The following NUP210L variants were observed in gnomAD, a reference collection of about 807,000 sequenced individuals.
The protein encoded by NUP210L is nuclear pore membrane glycoprotein 210-like.
NUP210L carries 74 observed loss-of-function variants against 208.5 expected under a neutral mutation model. The ratio of observed to expected loss-of-function variants is 0.35; its 90% confidence interval spans 0.29 to 0.43. The LOEUF is 0.43. NUP210L is among the 20% of genes least tolerant of loss of function. NUP210L has a pLI of 1.00. For synonymous variants in NUP210L, 780 were observed against 816.9 expected (o/e 0.95, Z 0.77); for missense variants, 1,843 against 2,289.4 (o/e 0.81, Z 3.98).
chr1:154,139,226 G>A (rs1305859906), intron 5 of NUP210L, among the ~76,000 whole-genome samples: 1 of 152,090 alleles, frequency 6.6e-6, no homozygotes. Context: ...ATTAGAAACT[G>A]TAGTTTATTG....
intron 27 of NUP210L, among the ~76,000 whole-genome samples, chr1:154,033,806 G>A (rs1311379530): frequency 1.3e-5 from 2 of 152,118 alleles, no homozygotes; most frequent in Non-Finnish European, 2.9e-5. Context: ...TATTTTGATA[G>A]GGACTGCACT....
At chr1:154,146,719 T>A (rs1659134641) in intron 2 of NUP210L, among the ~76,000 whole-genome samples, 1 of 148,594 alleles carries the variant, frequency 6.7e-6, no homozygotes. Flanking sequence ...TACATGAAAG[T>A]ATCTCCCTCA....
intron 35 of NUP210L, among the ~76,000 whole-genome samples, chr1:154,003,597 G>A (rs1571153603): frequency 1.3e-5 from 2 of 151,836 alleles, no homozygotes; most frequent in East Asian, 3.9e-4. Flanking sequence ...TGAATTCTTG[G>A]GCTCAAGCAA....
chr1:154,006,457 A>G (rs2147897208), intron 35 of NUP210L, among the ~76,000 whole-genome samples: 1 of 152,074 alleles, frequency 6.6e-6, no homozygotes, highest in Non-Finnish European at 1.5e-5. Flanking sequence ...TAGGTTTCAT[A>G]TAGATACTCC....
intron 17 of NUP210L, among the ~76,000 whole-genome samples, chr1:154,065,911 A>G (rs1178658453): frequency 1.3e-5 from 2 of 150,924 alleles, no homozygotes; most frequent in Non-Finnish European, 3.0e-5. Context: ...AAAAAAAAAA[A>G]AAAAAAAGAA....
At chr1:154,008,117 C>G (rs1028612879) in intron 35 of NUP210L, among the ~76,000 whole-genome samples, 18 of 151,918 alleles carry the variant, frequency 1.2e-4, no homozygotes, top group Non-Finnish European at 4.4e-5. Flanking sequence ...AGTGATTTGT[C>G]CGCCATGGCC....
At chr1:153,997,610 G>A (rs563901648) in intron 37 of NUP210L, among the ~76,000 whole-genome samples, 61 of 151,186 alleles carry the variant, frequency 4.0e-4, no homozygotes, top group African/African-American at 1.4e-3. Flanking sequence ...AGGACTGCAG[G>A]CCATCACACC....
chr1:154,036,763 CT>C (rs1019890141), intron 27 of NUP210L, among the ~76,000 whole-genome samples: 42 of 151,244 alleles, frequency 2.8e-4, no homozygotes, highest in Non-Finnish European at 5.5e-4. Flanking sequence ...ATTTTTTGGA[CT>C]TTTTTTTTCT....
At chr1:154,125,705 G>A (rs1657892180) in intron 10 of NUP210L, among the ~76,000 whole-genome samples, 1 of 36,132 alleles carries the variant, frequency 2.8e-5, no homozygotes, top group Admixed American at 3.8e-4. Flanking sequence ...AAGGAAGGAA[G>A]GAAGGAAGGA....
intron 14 of NUP210L, 119 bp downstream of exon 14, chr1:154,099,879 A>T: frequency 9.6e-7 from 1 of 1,040,682 alleles, no homozygotes; most frequent in Non-Finnish European, 1.4e-6. Context: ...AGTGGCAAGT[A>T]AAGAGAACAT....
chr1:154,125,340 C>A (rs1657835267), intron 10 of NUP210L, among the ~76,000 whole-genome samples: 1 of 151,708 alleles, frequency 6.6e-6, no homozygotes. Context: ...ACCCCAGCTA[C>A]ACAGGAGGCT....
intron 30 of NUP210L, among the ~76,000 whole-genome samples, chr1:154,023,848 G>A (rs1651700240): frequency 6.6e-6 from 1 of 151,442 alleles, no homozygotes; most frequent in African/African-American, 2.4e-5. Context: ...GAGTGCAGTG[G>A]TGCAATCTCA....
intron 35 of NUP210L, among the ~76,000 whole-genome samples, chr1:154,004,790 G>A (rs974850192): frequency 6.6e-6 from 1 of 151,754 alleles, no homozygotes; most frequent in African/African-American, 2.4e-5. Flanking sequence ...GGGATTACAG[G>A]CATGAGCCAC....
exon 40 of NUP210L, chr1:153,992,797 AT>A: frequency 7.3e-7 from 1 of 1,378,818 alleles, no homozygotes; most frequent in Non-Finnish European, 1.0e-6. Context: ...AGAAATCTTC[AT>A]TCCCCTGCAG....
chr1:154,103,148 C>T (rs1193953434), intron 13 of NUP210L, among the ~76,000 whole-genome samples: 1 of 151,922 alleles, frequency 6.6e-6, no homozygotes, highest in Non-Finnish European at 1.5e-5. Context: ...AATCCCAGCA[C>T]TTTGGGAGGC....
chr1:154,125,611 G>A (rs1657855841), intron 10 of NUP210L, among the ~76,000 whole-genome samples: 1 of 103,586 alleles, frequency 9.7e-6, no homozygotes, highest in Admixed American at 1.2e-4. Flanking sequence ...GATGAAATGA[G>A]GCCCTCTCTG....
chr1:153,995,062 T>TA lies in NUP210L; in HGVS notation c.5491+13dup. 6.7e-7 allele frequency: 1 copy of TA among 1,483,566 alleles called. No homozygotes were observed. The highest frequency in any genetic ancestry group is 2.3e-5 in the East Asian group (1 of 44,070). The allele number at this position is 1,483,566 out of a possible 1,614,324, so 91.9% of individuals were successfully genotyped here. A position where few individuals can be genotyped will look rare whatever the true frequency, so the allele number is the denominator to read the frequency against. ...TCATGTCAAAGTCTATGTTATTGAATATAAGGACTCTACCTAGGAAGATGG... is the reference window on the plus strand; with the variant it reads ...TCATGTCAAAGTCTATGTTATTGAATAATAAGGACTCTACCTAGGAAGATGG... On this transcript the variant is annotated intron_variant, in intron 38 of 39. Transcript: ENST00000368559.
intron 28 of NUP210L, 55 bp downstream of exon 28, chr1:154,029,841 A>G (rs1199541999): frequency 5.8e-6 from 8 of 1,390,690 alleles, no homozygotes; most frequent in Non-Finnish European, 8.0e-6. Context: ...TGGTAAGAGA[A>G]TATAACTTTC....
At chr1:154,091,246 C>A (rs1655897474) in intron 15 of NUP210L, among the ~76,000 whole-genome samples, 1 of 151,718 alleles carries the variant, frequency 6.6e-6, no homozygotes, top group South Asian at 2.1e-4. Flanking sequence ...CAGGCACGTG[C>A]AACCACACCC....
Sources: gnomAD v4.1 joint callset for allele counts (sites outside exome capture counted in the v4.1 genomes callset) on GRCh38, gnomAD v4.1.1 for gene constraint, MANE v1.5 for transcripts, NCBI Gene and HGNC (gene_info 2026-07-23, HGNC 2026-07-21) for gene names.